The following SMARCA4 variants were observed in gnomAD, a reference collection of about 807,000 sequenced individuals.
The protein encoded by SMARCA4 is SWI/SNF related BAF chromatin remodeling complex subunit ATPase 4.
Under a neutral mutation model 193.9 loss-of-function variants are expected in SMARCA4, and 31 were observed. That is an observed-to-expected ratio of 0.16 (90% CI 0.12 to 0.22). SMARCA4 has a LOEUF of 0.22. SMARCA4 is among the 10% of genes least tolerant of loss of function. The pLI is 1.00. For missense variants in SMARCA4, 1,148 were observed against 2,296.0 expected (o/e 0.50, Z 10.22); for synonymous variants, 942 against 933.1 (o/e 1.01, Z -0.17).
At chr19:11,045,155 C>T (rs984099425) in intron 30 of SMARCA4, among the ~76,000 whole-genome samples, 2 of 152,152 alleles carry the variant, frequency 1.3e-5, no homozygotes, top group Non-Finnish European at 2.9e-5. Context: ...ACCGTCTCTA[C>T]TAAAAATACA....
At chr19:11,059,621 G>T (rs1324575389) in intron 32 of SMARCA4, 132 bp from the exon 33 acceptor site, 3 of 1,024,900 alleles carry the variant, frequency 2.9e-6, no homozygotes, top group African/African-American at 3.2e-5. Context: ...GCCCCGACCC[G>T]CTGAGGCTCG....
chr19:11,017,276 C>T (rs1021873919), intron 16 of SMARCA4, among the ~76,000 whole-genome samples: 7 of 152,224 alleles, frequency 4.6e-5, no homozygotes, highest in South Asian at 2.1e-4. Flanking sequence ...GCCACTAGAG[C>T]GCAGGCCTTG....
intron 18 of SMARCA4, 180 bp from the exon 19 acceptor site, chr19:11,021,545 G>A (rs1395489944): frequency 3.9e-6 from 3 of 765,186 alleles, no homozygotes; most frequent in East Asian, 2.7e-5. Flanking sequence ...AAGAGGCTAC[G>A]TTGTGTGGCT....
At position 11,043,759 on chromosome 19, in the gene SMARCA4, A is replaced by G. The variant is rs1001064505; in HGVS notation, c.4424+2199A>G. Among the ~76,000 whole-genome samples, 61 of 152,206 alleles carry G rather than the reference A, an allele frequency of 4.0e-4. 1 individual carries two copies. The highest frequency in any genetic ancestry group is 7.2e-5 in the African/African-American group (3 of 41,464). On this transcript the variant is annotated intron_variant, in intron 30 of 34. Transcript: ENST00000344626. ...GAGGCTGAGGTGGGCGGATCACTTG[A>G]AGTTAGGAGTTTGAGACCAGTCTGG...
intron 13 of SMARCA4, among the ~76,000 whole-genome samples, chr19:11,005,213 C>G (rs2088082113): frequency 6.6e-6 from 1 of 152,190 alleles, no homozygotes; most frequent in African/African-American, 2.4e-5. Flanking sequence ...TTTTAAAACT[C>G]TGGGAGGTTG....
At chr19:11,009,007 C>CTTTTTTTTTTTTTTTTTTTTT (rs762148337) in intron 14 of SMARCA4, among the ~76,000 whole-genome samples, 3 of 40,948 alleles carry the variant, frequency 7.3e-5, no homozygotes, top group Non-Finnish European at 1.2e-4. Flanking sequence ...ATAAAAGTCA[C>CTTTTTTTTTTTTTTTTTTTTT]TTTTTTTTTT....
chr19:10,999,914 G>A (rs934313903), intron 11 of SMARCA4, among the ~76,000 whole-genome samples: 3 of 152,092 alleles, frequency 2.0e-5, no homozygotes, highest in African/African-American at 4.8e-5. Flanking sequence ...CAGGATATGT[G>A]TTCCAAATAC....
At chr19:10,981,172 A>G (rs2145676821) in intron 1 of SMARCA4, among the ~76,000 whole-genome samples, 1 of 152,300 alleles carries the variant, frequency 6.6e-6, no homozygotes, top group South Asian at 2.1e-4. Flanking sequence ...TTCCTACCTC[A>G]TTGCAACACT....
At chr19:10,983,437 T>G (rs1036956782) in intron 1 of SMARCA4, 6 of 151,766 alleles carry the variant, frequency 4.0e-5, no homozygotes, top group African/African-American at 1.2e-4. Flanking sequence ...AGGCTTGTTT[T>G]TTTTTTTTTT....
chr19:10,996,718 T>A (rs1003033023), intron 11 of SMARCA4, among the ~76,000 whole-genome samples, 174 bp downstream of exon 11: 2 of 151,954 alleles, frequency 1.3e-5, no homozygotes, highest in African/African-American at 4.8e-5. Context: ...CCACATGTTG[T>A]GTTTTCTTCC....
At chr19:11,001,960 A>T (rs1729518593) in intron 11 of SMARCA4, among the ~76,000 whole-genome samples, 1 of 151,984 alleles carries the variant, frequency 6.6e-6, no homozygotes, top group Admixed American at 6.6e-5. Flanking sequence ...ACAAAAAAGA[A>T]TGAGGACCCT....
chr19:10,983,983 G>A (rs1338243912), intron 1 of SMARCA4, 138 bp from the exon 2 acceptor site: 8 of 692,046 alleles, frequency 1.2e-5, no homozygotes, highest in Non-Finnish European at 1.6e-5. Context: ...ATGGAGAAAC[G>A]GTTTGGGTGG....
chr19:11,013,056 G>A lies in SMARCA4; in HGVS notation c.2382G>A (p.Thr794=), dbSNP rs373048420. ...GKTIQTIALI[T]YLMEHKRING... The stretch of plus-strand genomic sequence containing the variant: ...CCATCCAGACCATCGCGCTCATCAC[G>A]TACCTCATGGAGCACAAACGCATCA... The change falls in exon 16 of 35, where the codon ACG becomes ACA. Residue 794 remains threonine (T), a synonymous_variant. Coordinates refer to ENST00000344626, the MANE Select transcript of SMARCA4 (RefSeq NM_003072.5). 8.7e-6 allele frequency: 14 copies of A among 1,614,106 alleles called. No individual in the cohort carries two copies. In the East Asian group the frequency reaches 1.1e-4, roughly 13 times the overall value.
chr19:11,047,961 A>T (rs1056822977), intron 30 of SMARCA4, among the ~76,000 whole-genome samples: 9 of 151,370 alleles, frequency 5.9e-5, no homozygotes, highest in Admixed American at 2.6e-4. Context: ...ATTCTTTTTT[A>T]TTATTATTAT....
intron 24 of SMARCA4, among the ~76,000 whole-genome samples, chr19:11,028,900 G>A (rs2090449518): frequency 6.6e-6 from 1 of 152,166 alleles, no homozygotes; most frequent in African/African-American, 2.4e-5. Context: ...CAGAGCCTTT[G>A]TTGAAGCTCC....
intron 34 of SMARCA4, 110 bp downstream of exon 34, chr19:11,060,297 G>A (rs1243545473): frequency 7.3e-7 from 1 of 1,376,244 alleles, no homozygotes; most frequent in Non-Finnish European, 1.0e-6. Context: ...CGCTGCAGGT[G>A]GGAAAGCTGA....
intron 8 of SMARCA4, among the ~76,000 whole-genome samples, chr19:10,993,703 T>G (rs1483175505): frequency 6.6e-6 from 1 of 151,628 alleles, no homozygotes; most frequent in Admixed American, 6.6e-5. Flanking sequence ...TGGAGTGCAG[T>G]GGCGCGATCT....
chr19:11,012,019 T>G (rs2088895712), intron 15 of SMARCA4: 1 of 150,944 alleles, frequency 6.6e-6, no homozygotes, highest in Non-Finnish European at 1.5e-5. Context: ...AAAACAATAA[T>G]GAAACAAAGG....
At chr19:10,991,461 C>T in intron 8 of SMARCA4, 138 bp downstream of exon 8, 1 of 1,377,712 alleles carries the variant, frequency 7.3e-7, no homozygotes, top group South Asian at 1.3e-5. Context: ...TAACAGTATT[C>T]TAGGTACTGA....
Sources: allele counts gnomAD v4.1 joint callset (sites outside exome capture counted in the v4.1 genomes callset), GRCh38; gene constraint gnomAD v4.1.1; transcripts MANE v1.5; gene names NCBI Gene and HGNC (gene_info 2026-07-23, HGNC 2026-07-21).